The following TEAD1 variants were observed in gnomAD, a reference collection of about 807,000 sequenced individuals.
TEAD1 encodes the protein TEA domain transcription factor 1.
Under a neutral mutation model 54.9 loss-of-function variants are expected in TEAD1, and 9 were observed. The observed-to-expected ratio is 0.16, with a 90% confidence interval of 0.10 to 0.29. The LOEUF is 0.29. Among genes scored for constraint, TEAD1 ranks in the 10% least tolerant of loss-of-function variants. The pLI is 1.00. For missense variants in TEAD1, 387 were observed against 535.9 expected (o/e 0.72, Z 2.74); for synonymous variants, 200 against 187.8 (o/e 1.07, Z -0.53).
chr11:12,758,408 T>G (rs1474863650), intron 2 of TEAD1, among the ~76,000 whole-genome samples: 1 of 139,976 alleles, frequency 7.1e-6, no homozygotes, highest in East Asian at 2.0e-4. Flanking sequence ...CCAGCTAGTT[T>G]TTTTTTTTTT....
intron 2 of TEAD1, among the ~76,000 whole-genome samples, chr11:12,717,671 A>G (rs887137264): frequency 6.6e-6 from 1 of 152,174 alleles, no homozygotes; most frequent in East Asian, 1.9e-4. Flanking sequence ...AAGTCAAGGA[A>G]GCTTTGTGTG....
intron 2 of TEAD1, among the ~76,000 whole-genome samples, chr11:12,699,501 A>G (rs1204264516): frequency 6.6e-6 from 1 of 152,278 alleles, no homozygotes; most frequent in African/African-American, 2.4e-5. Context: ...AGCATTTTTC[A>G]GTTAGAGTCA....
chr11:12,864,891 C>G lies in TEAD1; in HGVS notation c.321C>G (p.Ser107=). 1 of 1,614,086 alleles carries G rather than the reference C, an allele frequency of 6.2e-7. No individual in the cohort carries two copies. Residue 107 remains serine, a synonymous_variant, in exon 5 of 13, where the codon TCC becomes TCG. Transcript: ENST00000527636. ...GAAGGAAATCTCGTGATTTTCATTC[C>G]AAGCTAAAGGTATGCGCTTTTCTGC...
chr11:12,727,027 G>A (rs1237092403), intron 2 of TEAD1, among the ~76,000 whole-genome samples: 1 of 151,954 alleles, frequency 6.6e-6, no homozygotes, highest in East Asian at 1.9e-4. Context: ...ATCACTTGAG[G>A]TCAGGAGTTC....
chr11:12,690,878 C>G (rs1943443381), intron 2 of TEAD1, among the ~76,000 whole-genome samples: 1 of 152,184 alleles, frequency 6.6e-6, no homozygotes, highest in African/African-American at 2.4e-5. Flanking sequence ...TGACCTCAGC[C>G]TCCTAAATAG....
chr11:12,836,174 G>A (rs965508174), intron 3 of TEAD1, among the ~76,000 whole-genome samples: 2 of 151,734 alleles, frequency 1.3e-5, no homozygotes, highest in Non-Finnish European at 2.9e-5. Context: ...TAATCCCAGC[G>A]CTTCAGGAGG....
At chr11:12,802,254 A>G (rs1181394154) in intron 3 of TEAD1, among the ~76,000 whole-genome samples, 1 of 152,202 alleles carries the variant, frequency 6.6e-6, no homozygotes, top group Non-Finnish European at 1.5e-5. Context: ...AATTCATGTG[A>G]TAAGTCAGAT....
At chr11:12,774,054 C>A (rs2133938781) in intron 3 of TEAD1, among the ~76,000 whole-genome samples, 2 of 152,196 alleles carry the variant, frequency 1.3e-5, no homozygotes, top group Admixed American at 1.3e-4. Context: ...TCGTAGGAGT[C>A]TAAGTTGGGA....
chr11:12,827,404 G>T lies in TEAD1; in HGVS notation c.203-34846G>T, dbSNP rs141257735. 3.7e-3 allele frequency among the ~76,000 whole-genome samples: 557 copies of T among 152,340 alleles called. 1 individual carries two copies. Among genetic ancestry groups the T allele is most frequent in the South Asian group, 7.0e-3 (34 of 4,832 alleles). On this transcript the variant is annotated intron_variant, in intron 3 of 12. Transcript: ENST00000527636. ...TAGAATCATATTCATATCAAAGGAA[G>T]TTCCTGTGTATAATCTCATTTCATT...
intron 3 of TEAD1, among the ~76,000 whole-genome samples, chr11:12,808,249 A>G (rs903005841): frequency 1.3e-5 from 2 of 149,986 alleles, no homozygotes; most frequent in Non-Finnish European, 3.0e-5. Context: ...ATTATAGGTC[A>G]TAGTAGGCTC....
At chr11:12,791,323 C>G (rs111248737) in intron 3 of TEAD1, among the ~76,000 whole-genome samples, 293 of 152,326 alleles carry the variant, frequency 1.9e-3, no homozygotes, top group African/African-American at 6.3e-3. Context: ...TCTGGTGTTT[C>G]CCAGGCTTTG....
At chr11:12,768,639 C>G (rs1945255018) in intron 3 of TEAD1, among the ~76,000 whole-genome samples, 2 of 152,204 alleles carry the variant, frequency 1.3e-5, no homozygotes, top group Admixed American at 6.5e-5. Context: ...AGCTTTTGTT[C>G]CTTCCTTGGT....
chr11:12,837,886 T>TCTGCCTCCAGAGTTCAAGCGATTCTC (rs1423347810), intron 3 of TEAD1, among the ~76,000 whole-genome samples: 4 of 149,222 alleles, frequency 2.7e-5, no homozygotes, highest in African/African-American at 1.0e-4. Context: ...CAGTGAAACC[T>TCTGCCTCCAGAGTTCAAGCGATTCTC]CTGCCTCCAG....
At chr11:12,907,612 C>T (rs920560334) in intron 10 of TEAD1, among the ~76,000 whole-genome samples, 1 of 152,088 alleles carries the variant, frequency 6.6e-6, no homozygotes, top group Non-Finnish European at 1.5e-5. Context: ...GGAAGAGGTT[C>T]CTCTCTTTTT....
chr11:12,916,948 G>A (rs561956881), intron 10 of TEAD1, among the ~76,000 whole-genome samples: 10 of 152,298 alleles, frequency 6.6e-5, no homozygotes, highest in East Asian at 1.9e-4. Context: ...TGTGGTACCC[G>A]AAGTTCTGGA....
In TEAD1 at chr11:12,943,089, G is replaced by C. The variant is rs1157696160; in HGVS notation, c.*5867G>C. On this transcript the variant is annotated 3_prime_UTR_variant, in exon 13 of 13. Transcript: ENST00000527636. Reference sequence around the variant, plus strand: ...AACTCTTAATACATACGTTCTGTGTGTCTCTACCTGGCGTCTTTAAGAATA... The same window carrying C: ...AACTCTTAATACATACGTTCTGTGTCTCTCTACCTGGCGTCTTTAAGAATA... 1.3e-5 allele frequency: 2 copies of C among 152,202 alleles called. No homozygotes were observed. Among genetic ancestry groups the C allele is most frequent in the African/African-American group, 4.8e-5 (2 of 41,444 alleles). 9.4% of individuals were successfully genotyped at this position (152,202 alleles called of 1,614,324 possible).
rs544698028 is a variant in TEAD1 at position 12,749,293 on chromosome 11, A to G, written c.-54-14886A>G. ...TGGCCATTTGTACGTGTAATTGGAA[A>G]TGGATTACATTTTAATTAATCTAAG... On this transcript the variant is annotated intron_variant, in intron 2 of 12. Transcript: ENST00000527636. 2.0e-5 allele frequency among the ~76,000 whole-genome samples: 3 copies of G among 152,272 alleles called. No individual in the cohort carries two copies. The East Asian group carries it at 5.8e-4, about 29-fold the overall frequency.
At position 12,703,384 on chromosome 11, in the gene TEAD1, A is replaced by G. The variant is rs149657213; in HGVS notation, c.-55+27823A>G. Among the ~76,000 whole-genome samples the G allele has an allele frequency of 1.9e-3, 296 of 152,322 alleles. 1 individual carries two copies. The highest frequency in any genetic ancestry group is 6.4e-3 in the African/African-American group (264 of 41,564). ...CTCGGTACGTGGAGATATTATCATA[A>G]CACTGGTTGGTTGTGAGATATGAGT... On this transcript the variant is annotated intron_variant, in intron 2 of 12. Transcript: ENST00000527636.
At chr11:12,719,307 T>G (rs1245409105) in intron 2 of TEAD1, among the ~76,000 whole-genome samples, 1 of 152,070 alleles carries the variant, frequency 6.6e-6, no homozygotes, top group East Asian at 1.9e-4. Context: ...TTGCGTCCTG[T>G]GGAGGAATGC....
Sources: gnomAD v4.1 joint callset for allele counts (sites outside exome capture counted in the v4.1 genomes callset) on GRCh38, gnomAD v4.1.1 for gene constraint, MANE v1.5 for transcripts, NCBI Gene and HGNC (gene_info 2026-07-23, HGNC 2026-07-21) for gene names.